Variants in SOX6 observed in about 807,000 individuals in gnomAD.
The protein encoded by SOX6 is transcription factor SOX-6.
A neutral mutation model predicts 97.8 loss-of-function variants in SOX6; 11 were observed. The ratio of observed to expected loss-of-function variants is 0.11; its 90% CI spans 0.07 to 0.19. SOX6 has a LOEUF of 0.19. SOX6 is among the 10% of genes least tolerant of loss of function. The pLI is 1.00. For missense variants in SOX6, 810 were observed against 1,039.5 expected (o/e 0.78, Z 3.04); for synonymous variants, 360 against 371.4 (o/e 0.97, Z 0.35).
chr11:16,353,039 T>C (rs748471459), intron 1 of SOX6, among the ~76,000 whole-genome samples: 2 of 152,062 alleles, frequency 1.3e-5, no homozygotes, highest in Non-Finnish European at 2.9e-5. Flanking sequence ...CTATTTCTGG[T>C]TAGCCTAGAT....
At chr11:16,422,212 G>T (rs1406044641) in intron 1 of SOX6, among the ~76,000 whole-genome samples, 2 of 152,110 alleles carry the variant, frequency 1.3e-5, no homozygotes, top group Non-Finnish European at 2.9e-5. Context: ...AATACTACAT[G>T]ACAGGAAAAA....
intron 4 of SOX6, among the ~76,000 whole-genome samples, chr11:16,579,451 C>A (rs1848011242): frequency 6.6e-6 from 1 of 151,786 alleles, no homozygotes; most frequent in African/African-American, 2.4e-5. Flanking sequence ...AATTAATTAC[C>A]CAACCAAAGA....
intron 3 of SOX6, among the ~76,000 whole-genome samples, chr11:16,253,093 AT>A (rs1195324844): frequency 6.6e-6 from 1 of 152,188 alleles, no homozygotes; most frequent in Non-Finnish European, 1.5e-5. Context: ...CACACCTGTA[AT>A]CCCAGCACTT....
intron 3 of SOX6, among the ~76,000 whole-genome samples, chr11:16,239,723 G>A (rs1469252813): frequency 6.6e-6 from 1 of 152,026 alleles, no homozygotes; most frequent in Admixed American, 6.6e-5. Flanking sequence ...TCTGCCAGGA[G>A]GAGCTGGACT....
At chr11:16,274,955 C>T (rs1421848400) in intron 3 of SOX6, among the ~76,000 whole-genome samples, 5 of 151,968 alleles carry the variant, frequency 3.3e-5, no homozygotes. Flanking sequence ...TTTTAAATTT[C>T]CCTATTACTT....
At chr11:16,276,356 T>C (rs1854398625) in intron 3 of SOX6, among the ~76,000 whole-genome samples, 1 of 152,204 alleles carries the variant, frequency 6.6e-6, no homozygotes, top group Admixed American at 6.5e-5. Context: ...AAGCCATTCA[T>C]GATTCCCTTC....
At chr11:16,052,721 T>C (rs774579098) in intron 10 of SOX6, among the ~76,000 whole-genome samples, 16 of 152,186 alleles carry the variant, frequency 1.1e-4, no homozygotes, top group East Asian at 1.9e-4. Flanking sequence ...TTGAAAACTT[T>C]ATTCTGAGAC....
chr11:16,497,733 T>C (rs1860627697), intron 4 of SOX6, among the ~76,000 whole-genome samples: 1 of 109,070 alleles, frequency 9.2e-6, no homozygotes, highest in South Asian at 2.7e-4. Context: ...GAAGATGAAA[T>C]GAATGAAATG....
At chr11:16,722,903 T>G (rs1564877764) in intron 2 of SOX6, among the ~76,000 whole-genome samples, 1 of 152,134 alleles carries the variant, frequency 6.6e-6, no homozygotes. Context: ...TCAACCATTG[T>G]GAAAAGCAGT....
intron 5 of SOX6, among the ~76,000 whole-genome samples, chr11:16,186,453 A>C (rs1851477510): frequency 6.6e-6 from 1 of 152,162 alleles, no homozygotes; most frequent in South Asian, 2.1e-4. Flanking sequence ...GCCCAGAGAA[A>C]AGTCACTTAC....
At chr11:16,692,056 C>CCTGT (rs1554900984) in intron 3 of SOX6, among the ~76,000 whole-genome samples, 6 of 144,290 alleles carry the variant, frequency 4.2e-5, no homozygotes, top group African/African-American at 1.6e-4. Context: ...TTTGCGTGTG[C>CCTGT]GTGTGTGTGT....
chr11:16,056,163 GT>G (rs568405139), intron 9 of SOX6, among the ~76,000 whole-genome samples: 51 of 146,826 alleles, frequency 3.5e-4, no homozygotes, highest in South Asian at 1.3e-3. Context: ...TAGAATTCAG[GT>G]TTTTTTTTTT....
At chr11:16,230,920 C>T (rs1298673967) in intron 4 of SOX6, among the ~76,000 whole-genome samples, 1 of 151,470 alleles carries the variant, frequency 6.6e-6, no homozygotes, top group Non-Finnish European at 1.5e-5. Context: ...ATAAAAGATG[C>T]CATTTCAAGT....
intron 3 of SOX6, among the ~76,000 whole-genome samples, chr11:16,671,671 T>A (rs1847848395): frequency 6.6e-6 from 1 of 152,172 alleles, no homozygotes; most frequent in Non-Finnish European, 1.5e-5. Flanking sequence ...AATCTACTAA[T>A]CGTTGGCATC....
At chr11:16,036,949 C>A (rs930405792) in intron 12 of SOX6, among the ~76,000 whole-genome samples, 1 of 152,154 alleles carries the variant, frequency 6.6e-6, no homozygotes, top group South Asian at 2.1e-4. Flanking sequence ...ATCTACTCAG[C>A]CTTTCTAAAG....
chr11:16,258,785 T>C (rs1853773543), intron 3 of SOX6, among the ~76,000 whole-genome samples: 1 of 151,612 alleles, frequency 6.6e-6, no homozygotes, highest in African/African-American at 2.4e-5. Flanking sequence ...GAGATGTTGA[T>C]AATAGGGGAG....
intron 3 of SOX6, among the ~76,000 whole-genome samples, chr11:16,680,946 A>C (rs1032919860): frequency 6.6e-6 from 1 of 152,210 alleles, no homozygotes; most frequent in African/African-American, 2.4e-5. Flanking sequence ...AGGAGCACCC[A>C]GATTCATAAA....
chr11:16,415,833 G>A (rs1858914990), intron 1 of SOX6, among the ~76,000 whole-genome samples: 1 of 152,084 alleles, frequency 6.6e-6, no homozygotes, highest in Non-Finnish European at 1.5e-5. Flanking sequence ...TAACAGTAAA[G>A]AGAATCTTGA....
intron 2 of SOX6, among the ~76,000 whole-genome samples, chr11:16,323,541 T>C (rs943635687): frequency 6.6e-6 from 1 of 152,058 alleles, no homozygotes; most frequent in African/African-American, 2.4e-5. Context: ...TGCTTTCCCC[T>C]GGAATGCCCT....
Sources: allele counts gnomAD v4.1 joint callset (sites outside exome capture counted in the v4.1 genomes callset), GRCh38; gene constraint gnomAD v4.1.1; transcripts MANE v1.5; gene names NCBI Gene and HGNC (gene_info 2026-07-23, HGNC 2026-07-21).